TBC1D1: variants seen among roughly 807,000 people sequenced by gnomAD.
TBC1D1 encodes TBC1 (tre-2/USP6, BUB2, cdc16) domain family, member 1.
TBC1D1 carries 89 observed loss-of-function variants against 125.6 expected under a neutral mutation model. That is an observed-to-expected ratio of 0.71 (90% confidence interval 0.60 to 0.85). The LOEUF is 0.85. Among genes scored for constraint, TBC1D1 ranks in the 40% least tolerant of loss-of-function variants. The pLI is 0.00. For missense variants in TBC1D1, 1,377 were observed against 1,469.2 expected (o/e 0.94, Z 1.03); for synonymous variants, 565 against 564.1 (o/e 1.00, Z -0.02).
At chr4:37,922,187 C>G (rs1024636658) in intron 2 of TBC1D1, among the ~76,000 whole-genome samples, 2 of 152,194 alleles carry the variant, frequency 1.3e-5, no homozygotes, top group Non-Finnish European at 2.9e-5. Context: ...TCACGTATCA[C>G]TTTATTTAAT....
At chr4:38,082,092 C>T (rs942891187) in intron 12 of TBC1D1, among the ~76,000 whole-genome samples, 1 of 152,236 alleles carries the variant, frequency 6.6e-6, no homozygotes, top group African/African-American at 2.4e-5. Context: ...CTTTAAGCTT[C>T]AGTTTCCACA....
At chr4:38,015,300 T>G (rs1431624713) in intron 3 of TBC1D1, among the ~76,000 whole-genome samples, 2 of 152,234 alleles carry the variant, frequency 1.3e-5, no homozygotes, top group African/African-American at 4.8e-5. Flanking sequence ...TCAGATGATA[T>G]ATTTCAACAG....
chr4:37,947,003 G>T (rs1377167395), intron 2 of TBC1D1, among the ~76,000 whole-genome samples: 1 of 152,116 alleles, frequency 6.6e-6, no homozygotes, highest in Non-Finnish European at 1.5e-5. Flanking sequence ...AATGGCATGC[G>T]ACTCAACAAT....
intron 6 of TBC1D1, among the ~76,000 whole-genome samples, chr4:38,024,651 G>A (rs1443766505): frequency 3.3e-5 from 5 of 152,148 alleles, no homozygotes; most frequent in Non-Finnish European, 5.9e-5. Context: ...TAGAAGAAGT[G>A]CATTGTTAGT....
At position 38,103,097 on chromosome 4, in the gene TBC1D1, C is replaced by CA; in HGVS notation, c.2497_2498insA (p.Pro833HisfsTer19). The stretch of plus-strand genomic sequence containing the variant: ...CAGCAAACAGCAGCCAAAGGATGTG[C>CA]CATACAAAGAACTCTTAAAGCAGCT... On this transcript the variant is annotated frameshift_variant, in exon 15 of 20. Coordinates refer to ENST00000261439, the MANE Select transcript of TBC1D1 (RefSeq NM_015173.4). LOFTEE classifies it high-confidence loss of function. 1 of 1,614,102 alleles carries CA rather than the reference C, an allele frequency of 6.2e-7. No individual in the cohort carries two copies. Among genetic ancestry groups the CA allele is most frequent in the Non-Finnish European group, 8.5e-7 (1 of 1,180,012 alleles).
At chr4:38,119,993 G>A (rs902732036) in intron 17 of TBC1D1, 18 of 985,268 alleles carry the variant, frequency 1.8e-5, no homozygotes, top group Middle Eastern at 1.0e-3. Context: ...GTAAAAAGAC[G>A]TTAACAAACA....
At chr4:38,062,077 G>T (rs1752869258) in intron 12 of TBC1D1, among the ~76,000 whole-genome samples, 4 of 152,172 alleles carry the variant, frequency 2.6e-5, no homozygotes, top group Non-Finnish European at 5.9e-5. Flanking sequence ...GTCAGTGAGT[G>T]TGGGGATGGG....
rs531088802 is a variant in TBC1D1, at chr4:38,040,579, G to A, written c.1414-3783G>A. Reference sequence around the variant, plus strand: ...TGGGATTACAGGCGTGAGCCACTGCGCCTGGCTCATATTTTCTTTATATAT... The same window carrying A: ...TGGGATTACAGGCGTGAGCCACTGCACCTGGCTCATATTTTCTTTATATAT... On this transcript the variant is annotated intron_variant, in intron 8 of 19. Coordinates refer to ENST00000261439, the MANE Select transcript of TBC1D1 (RefSeq NM_015173.4). Among the ~76,000 whole-genome samples, 3 of 152,314 alleles carry A rather than the reference G, an allele frequency of 2.0e-5. No individual in the cohort carries two copies. The East Asian group carries it at 5.8e-4, about 29-fold the overall frequency.
chr4:38,134,997 G>T (rs941266352), intron 19 of TBC1D1, among the ~76,000 whole-genome samples: 2 of 152,184 alleles, frequency 1.3e-5, no homozygotes, highest in African/African-American at 4.8e-5. Context: ...CAAAGAGTTG[G>T]ATCTAGGATT....
chr4:37,931,845 T>C (rs764318024), intron 2 of TBC1D1, among the ~76,000 whole-genome samples: 40 of 152,348 alleles, frequency 2.6e-4, no homozygotes, highest in Middle Eastern at 3.4e-3. Flanking sequence ...CATCCTTCAG[T>C]ATGAAACAAG....
chr4:37,916,489 T>A (rs1719766901), intron 2 of TBC1D1, among the ~76,000 whole-genome samples: 1 of 152,180 alleles, frequency 6.6e-6, no homozygotes, highest in African/African-American at 2.4e-5. Context: ...GAAGCAGAGC[T>A]GCTGTTTGGG....
chr4:37,998,826 T>C (rs1251992796), intron 2 of TBC1D1, among the ~76,000 whole-genome samples: 1 of 152,216 alleles, frequency 6.6e-6, no homozygotes, highest in Non-Finnish European at 1.5e-5. Flanking sequence ...GCCTGAGATA[T>C]TGTATTAACT....
chr4:37,985,546 G>C (rs4403063), intron 2 of TBC1D1, among the ~76,000 whole-genome samples: 39,228 of 152,032 alleles, frequency 0.26, 5,152 homozygotes, highest in East Asian at 0.33. Context: ...GTTTTCTTGT[G>C]TCTGAAATGA....
At chr4:38,080,821 T>C (rs914393242) in intron 12 of TBC1D1, among the ~76,000 whole-genome samples, 4 of 152,172 alleles carry the variant, frequency 2.6e-5, no homozygotes, top group Middle Eastern at 3.4e-3. Flanking sequence ...TCCTTAGGGG[T>C]GGAGCTTGGT....
intron 2 of TBC1D1, among the ~76,000 whole-genome samples, chr4:37,997,142 C>T (rs560953882): frequency 5.3e-5 from 8 of 152,196 alleles, no homozygotes; most frequent in Non-Finnish European, 1.2e-4. Flanking sequence ...CTGGTTAACA[C>T]GCTAATGGTT....
At position 37,905,787 on chromosome 4, in the gene TBC1D1, C is replaced by T. The variant is rs148027899; in HGVS notation, c.417+3275C>T. Among the ~76,000 whole-genome samples the T allele has an allele frequency of 2.0e-5, 3 of 152,346 alleles. No homozygotes were observed. The East Asian group carries it at 5.8e-4, about 29-fold the overall frequency. On this transcript the variant is annotated intron_variant, in intron 2 of 19. Coordinates refer to ENST00000261439, the MANE Select transcript of TBC1D1 (RefSeq NM_015173.4). ...CCACTTCTGCTCTCAGTAGCCATTG[C>T]TTAAATTTGTCTTGATCTTTAGGAT...
At chr4:38,125,165 G>C in intron 18 of TBC1D1, 34 bp downstream of exon 20, 1 of 1,604,288 alleles carries the variant, frequency 6.2e-7, no homozygotes, top group South Asian at 1.1e-5. Flanking sequence ...AAATGCTTAA[G>C]CCATCCTAGA....
At position 37,998,256 on chromosome 4, in the gene TBC1D1, C is replaced by T. The variant is rs1738251903; in HGVS notation, c.418-16253C>T. 2.0e-5 allele frequency among the ~76,000 whole-genome samples: 3 copies of T among 152,208 alleles called. No individual in the cohort carries two copies. The South Asian group carries it at 6.2e-4, about 32-fold the overall frequency. ...AGCGCCAGGCACTGGGTTACAAGAC[C>T]CCTGTCTCCAGCGACTGTCTTCTTG... On this transcript the variant is annotated intron_variant, in intron 2 of 19. Coordinates refer to ENST00000261439, the MANE Select transcript of TBC1D1 (RefSeq NM_015173.4).
At chr4:38,098,476 T>C (rs1759746909) in intron 14 of TBC1D1, among the ~76,000 whole-genome samples, 1 of 152,192 alleles carries the variant, frequency 6.6e-6, no homozygotes, top group Non-Finnish European at 1.5e-5. Flanking sequence ...ATAGAAATAC[T>C]CTAGGAATCT....
Sources: gnomAD v4.1 joint callset for allele counts (sites outside exome capture counted in the v4.1 genomes callset) on GRCh38, gnomAD v4.1.1 for gene constraint, MANE v1.5 for transcripts, NCBI Gene and HGNC (gene_info 2026-07-23, HGNC 2026-07-21) for gene names.